Variants in NHS observed in about 807,000 individuals in gnomAD.
NHS encodes the protein actin remodeling regulator NHS.
A neutral mutation model predicts 72.5 loss-of-function variants in NHS; 5 were observed. That is an observed-to-expected ratio of 0.07 (90% CI 0.04 to 0.14). NHS has a LOEUF of 0.14. NHS is among the 10% of genes least tolerant of loss of function. The probability of loss-of-function intolerance (pLI) is 1.00; values close to 1 mark genes in which losing one functional copy is unlikely to be tolerated. For missense variants in NHS, 1,072 were observed against 1,355.7 expected (o/e 0.79, Z 3.29); for synonymous variants, 464 against 547.7 (o/e 0.85, Z 2.13).
At chrX:17,417,920 G>A (rs1008983090) in intron 1 of NHS, among the ~76,000 whole-genome samples, 1 of 111,906 alleles carries the variant, frequency 8.9e-6, no homozygotes, top group Non-Finnish European at 1.9e-5. Flanking sequence ...CCATTTTGTC[G>A]GTGATGGCTT....
intron 1 of NHS, among the ~76,000 whole-genome samples, chrX:17,613,537 A>G (rs1250356728): frequency 9.0e-6 from 1 of 111,418 alleles, no homozygotes; most frequent in Non-Finnish European, 1.9e-5. Flanking sequence ...TGATGAAAGC[A>G]TTTTCTGCCC....
chrX:17,416,819 T>TGTGTGTGTGTGTGA (rs1445369548), intron 1 of NHS, among the ~76,000 whole-genome samples: 5 of 98,194 alleles, frequency 5.1e-5, no homozygotes, highest in African/African-American at 2.0e-4. Flanking sequence ...TGTGTGTGTG[T>TGTGTGTGTGTGTGA]GAGAGAGAGA....
At chrX:17,566,779 G>A (rs1221992426) in intron 1 of NHS, among the ~76,000 whole-genome samples, 1 of 110,416 alleles carries the variant, frequency 9.1e-6, no homozygotes, top group Non-Finnish European at 1.9e-5. Context: ...TGTGATTATG[G>A]AAGAGGAAAC....
chrX:17,691,469 G>A (rs773869282), intron 2 of NHS, among the ~76,000 whole-genome samples: 2 of 112,021 alleles, frequency 1.8e-5, no homozygotes, highest in South Asian at 7.5e-4. Context: ...ACATTTGTCA[G>A]AAGAATCCCA....
intron 1 of NHS, among the ~76,000 whole-genome samples, chrX:17,580,045 ATTACCCAAATCAT>A (rs1298421979): frequency 3.6e-5 from 4 of 110,763 alleles, no homozygotes; most frequent in African/African-American, 1.3e-4. Flanking sequence ...CCTTCCTAGA[ATTACCCAAATCAT>A]GCACCTGAAT....
At chrX:17,561,557 T>TGCGC (rs1240571846) in intron 1 of NHS, among the ~76,000 whole-genome samples, 4 of 76,514 alleles carry the variant, frequency 5.2e-5, no homozygotes, top group Non-Finnish European at 7.3e-5. Context: ...TGCAAGTGCA[T>TGCGC]GCGCGCGCGC....
chrX:17,490,305 G>A (rs1349689084), intron 1 of NHS, among the ~76,000 whole-genome samples: 4 of 112,197 alleles, frequency 3.6e-5, no homozygotes, highest in Non-Finnish European at 7.5e-5. Flanking sequence ...TTTTGTATAA[G>A]GTGTAAGAAA....
intron 1 of NHS, among the ~76,000 whole-genome samples, chrX:17,473,803 A>G (rs1412702361): frequency 8.9e-6 from 1 of 112,216 alleles, no homozygotes; most frequent in African/African-American, 3.2e-5. Context: ...AATAAAACAC[A>G]TTATTAAACT....
chrX:17,544,723 G>T (rs1030095347), intron 1 of NHS, among the ~76,000 whole-genome samples: 2 of 111,358 alleles, frequency 1.8e-5, no homozygotes, highest in African/African-American at 3.3e-5. Flanking sequence ...ATGTTGGCCC[G>T]GCTGGTCTTG....
intron 1 of NHS, among the ~76,000 whole-genome samples, chrX:17,684,094 G>C (rs1043780187): frequency 1.8e-5 from 2 of 111,051 alleles, no homozygotes; most frequent in African/African-American, 6.6e-5. Context: ...TGCTCTCTTT[G>C]CCTGCCACCA....
intron 1 of NHS, among the ~76,000 whole-genome samples, chrX:17,386,550 T>C (rs1158337796): frequency 9.3e-6 from 1 of 107,170 alleles, no homozygotes; most frequent in African/African-American, 3.4e-5. Flanking sequence ...TAATCCCGGC[T>C]ACTTGGGAGG....
intron 1 of NHS, among the ~76,000 whole-genome samples, chrX:17,473,731 G>A (rs760667842): frequency 1.9e-4 from 21 of 111,273 alleles, no homozygotes; most frequent in Non-Finnish European, 3.2e-4. Flanking sequence ...AAAATATCTC[G>A]TTAGTAATTT....
intron 1 of NHS, among the ~76,000 whole-genome samples, chrX:17,413,143 A>G (rs1229983738): frequency 8.9e-6 from 1 of 112,459 alleles, no homozygotes; most frequent in East Asian, 2.8e-4. Flanking sequence ...ACGCACACAC[A>G]TACACACAAG....
chrX:17,459,501 C>G (rs2064838739), intron 1 of NHS, among the ~76,000 whole-genome samples: 1 of 112,517 alleles, frequency 8.9e-6, no homozygotes, highest in South Asian at 3.7e-4. Context: ...ATGCTTGGGA[C>G]TCTTTTCTGT....
intron 1 of NHS, among the ~76,000 whole-genome samples, chrX:17,441,402 C>T (rs2064753270): frequency 8.9e-6 from 1 of 112,204 alleles, no homozygotes; most frequent in African/African-American, 3.2e-5. Flanking sequence ...TTACACGATT[C>T]TCTTTAAATC....
intron 1 of NHS, among the ~76,000 whole-genome samples, chrX:17,376,914 CCTA>C (rs1479813317): frequency 8.8e-6 from 1 of 113,172 alleles, no homozygotes; most frequent in Non-Finnish European, 1.9e-5. Flanking sequence ...CTGCTCGCCT[CCTA>C]GACTGAACTT....
At chrX:17,636,970 C>T (rs1217087552) in intron 1 of NHS, among the ~76,000 whole-genome samples, 1 of 111,852 alleles carries the variant, frequency 8.9e-6, no homozygotes, top group African/African-American at 3.3e-5. Context: ...CCAATTATAA[C>T]AATTAAACAC....
At chrX:17,509,169 C>T (rs1189991219) in intron 1 of NHS, among the ~76,000 whole-genome samples, 3 of 110,745 alleles carry the variant, frequency 2.7e-5, no homozygotes, top group Non-Finnish European at 5.7e-5. Flanking sequence ...GGGAGGCATT[C>T]TTCTTTATTC....
At chrX:17,430,424 C>CCTTT (rs1402548643) in intron 1 of NHS, among the ~76,000 whole-genome samples, 8 of 92,801 alleles carry the variant, frequency 8.6e-5, no homozygotes, top group African/African-American at 2.8e-4. Flanking sequence ...TTCCTTCCTT[C>CCTTT]CTTCCTTTCT....
Sources: allele counts gnomAD v4.1 joint callset (sites outside exome capture counted in the v4.1 genomes callset), GRCh38; gene constraint gnomAD v4.1.1; transcripts MANE v1.5; gene names NCBI Gene and HGNC (gene_info 2026-07-23, HGNC 2026-07-21).